Variants in TEAD1 observed in about 807,000 individuals in gnomAD.
TEAD1 encodes the protein TEA domain transcription factor 1, also known as transcriptional enhancer factor TEF-1.
In TEAD1, 9 loss-of-function variants were observed where a neutral mutation model predicts 54.9. That is an observed-to-expected ratio of 0.16 (90% CI 0.10 to 0.29). The LOEUF is 0.29. Ranked by LOEUF, TEAD1 falls within the 10% of genes least tolerant of loss-of-function variation. TEAD1 has a pLI of 1.00. For synonymous variants in TEAD1, 200 were observed against 187.8 expected (o/e 1.07, Z -0.53); for missense variants, 387 against 535.9 (o/e 0.72, Z 2.74).
chr11:12,818,890 C>T (rs367806520), intron 3 of TEAD1, among the ~76,000 whole-genome samples: 1 of 152,188 alleles, frequency 6.6e-6, no homozygotes, highest in African/African-American at 2.4e-5. Context: ...ACTGAATCCT[C>T]TTAGGTTTTG....
At chr11:12,683,498 AC>A (rs146414954) in intron 2 of TEAD1, among the ~76,000 whole-genome samples, 80 of 152,242 alleles carry the variant, frequency 5.3e-4, no homozygotes, top group African/African-American at 1.8e-3. Context: ...CCCTCATGAT[AC>A]ATCCGAAGAG....
chr11:12,840,505 G>A (rs558189996), intron 3 of TEAD1, among the ~76,000 whole-genome samples: 2 of 152,234 alleles, frequency 1.3e-5, no homozygotes, highest in Admixed American at 6.5e-5. Flanking sequence ...TCGTTTCTGC[G>A]TAATAGTCTT....
chr11:12,715,659 G>A (rs554417813), intron 2 of TEAD1, among the ~76,000 whole-genome samples: 2 of 152,168 alleles, frequency 1.3e-5, no homozygotes, highest in African/African-American at 4.8e-5. Context: ...TTGGGATCAG[G>A]GAGTCACTTC....
At chr11:12,859,160 G>A (rs1384989355) in intron 3 of TEAD1, among the ~76,000 whole-genome samples, 2 of 152,200 alleles carry the variant, frequency 1.3e-5, no homozygotes, top group African/African-American at 2.4e-5. Flanking sequence ...ATTTGTATAG[G>A]CTGTGGTACA....
chr11:12,721,224 G>A (rs936149536), intron 2 of TEAD1, among the ~76,000 whole-genome samples: 3 of 152,170 alleles, frequency 2.0e-5, no homozygotes, highest in African/African-American at 7.2e-5. Context: ...GCTCAGTGCA[G>A]GTGCAGGAAG....
intron 2 of TEAD1, among the ~76,000 whole-genome samples, chr11:12,698,111 T>TA (rs1384078100): frequency 1.3e-5 from 2 of 152,038 alleles, no homozygotes; most frequent in Non-Finnish European, 2.9e-5. Flanking sequence ...ACAGATCTAA[T>TA]AAAAAATAAC....
intron 3 of TEAD1, among the ~76,000 whole-genome samples, chr11:12,856,298 A>T (rs1429895193): frequency 6.6e-6 from 1 of 152,112 alleles, no homozygotes; most frequent in Non-Finnish European, 1.5e-5. Context: ...GTTGCCAAGG[A>T]CTTTATGACT....
intron 2 of TEAD1, among the ~76,000 whole-genome samples, chr11:12,758,477 C>A (rs1945032945): frequency 7.0e-6 from 1 of 143,160 alleles, no homozygotes; most frequent in African/African-American, 2.7e-5. Flanking sequence ...GTGGCGCAAT[C>A]TCAGCTTACT....
At chr11:12,785,560 T>C (rs138794667) in intron 3 of TEAD1, among the ~76,000 whole-genome samples, 37 of 152,350 alleles carry the variant, frequency 2.4e-4, no homozygotes, top group African/African-American at 8.7e-4. Flanking sequence ...CCAGGATATA[T>C]AATCTTCCTT....
At chr11:12,699,708 C>T (rs1213050959) in intron 2 of TEAD1, among the ~76,000 whole-genome samples, 1 of 152,186 alleles carries the variant, frequency 6.6e-6, no homozygotes, top group African/African-American at 2.4e-5. Context: ...TGCTCAGTGT[C>T]TAGAAAACCT....
chr11:12,714,083 T>C (rs1180100401), intron 2 of TEAD1, among the ~76,000 whole-genome samples: 2 of 151,776 alleles, frequency 1.3e-5, no homozygotes, highest in African/African-American at 4.8e-5. Flanking sequence ...GGATTCTGCC[T>C]TCAAGAAAGG....
At chr11:12,715,291 AC>A (rs1944032560) in intron 2 of TEAD1, among the ~76,000 whole-genome samples, 1 of 152,098 alleles carries the variant, frequency 6.6e-6, no homozygotes, top group Non-Finnish European at 1.5e-5. Context: ...AAGCCTCGTG[AC>A]CCAGTGTAAC....
intron 2 of TEAD1, among the ~76,000 whole-genome samples, chr11:12,688,537 A>G (rs1045236584): frequency 1.3e-5 from 2 of 151,916 alleles, no homozygotes; most frequent in African/African-American, 4.8e-5. Context: ...AATTCTTCCT[A>G]GGTGGTTCTG....
rs1361607024 is a variant in TEAD1 at position 12,923,855 on chromosome 11, G to C, written c.874-1057G>C. Among the ~76,000 whole-genome samples, 8 of 152,168 alleles carry C rather than the reference G, an allele frequency of 5.3e-5. 1 individual carries two copies. The highest frequency in any genetic ancestry group is 5.2e-4 in the Admixed American group (8 of 15,286). On this transcript the variant is annotated intron_variant, in intron 10 of 12. Coordinates refer to ENST00000527636, the MANE Select transcript of TEAD1 (RefSeq NM_021961.6). Reference sequence around the variant, plus strand: ...AAAAGGCCTCACCTCCAACACTGTTGCACTGGGGTTTAAGCTTCCAATGCA... The same window carrying C: ...AAAAGGCCTCACCTCCAACACTGTTCCACTGGGGTTTAAGCTTCCAATGCA...
intron 3 of TEAD1, among the ~76,000 whole-genome samples, chr11:12,787,983 A>G (rs1374748975): frequency 1.5e-5 from 2 of 130,404 alleles, no homozygotes; most frequent in African/African-American, 2.9e-5. Context: ...TTTTTTTGAG[A>G]TGGAGTTTTG....
At chr11:12,919,404 A>G (rs1948766861) in intron 10 of TEAD1, among the ~76,000 whole-genome samples, 1 of 152,086 alleles carries the variant, frequency 6.6e-6, no homozygotes, top group African/African-American at 2.4e-5. Flanking sequence ...TAAAAAATCA[A>G]TTTTCTTTTT....
intron 10 of TEAD1, among the ~76,000 whole-genome samples, chr11:12,919,662 T>TA (rs1023841986): frequency 2.6e-4 from 38 of 146,984 alleles, no homozygotes; most frequent in South Asian, 4.3e-4. Flanking sequence ...TCCGGCTAAT[T>TA]AAAAAAAAAA....
intron 5 of TEAD1, among the ~76,000 whole-genome samples, chr11:12,870,853 C>T (rs1258736230): frequency 6.6e-6 from 1 of 151,654 alleles, no homozygotes; most frequent in Non-Finnish European, 1.5e-5. Context: ...ACTGCTGTAC[C>T]CCAGCCTGGG....
intron 2 of TEAD1, among the ~76,000 whole-genome samples, chr11:12,677,068 ATC>A (rs774686652): frequency 2.0e-5 from 3 of 152,138 alleles, no homozygotes; most frequent in Non-Finnish European, 2.9e-5. Context: ...ATAGGGAAGA[ATC>A]TGTAAATTCC....
Sources: gnomAD v4.1 joint callset for allele counts (sites outside exome capture counted in the v4.1 genomes callset) on GRCh38, gnomAD v4.1.1 for gene constraint, MANE v1.5 for transcripts, NCBI Gene and HGNC (gene_info 2026-07-23, HGNC 2026-07-21) for gene names.